Variants in FNBP1 observed in about 807,000 individuals in gnomAD.
FNBP1 encodes formin binding protein 1.
In FNBP1, 26 loss-of-function variants were observed where a neutral mutation model predicts 90.6. The observed-to-expected ratio is 0.29, with a 90% CI of 0.21 to 0.40. The LOEUF is 0.40. Ranked by LOEUF, FNBP1 falls within the 10% of genes least tolerant of loss-of-function variation. The probability of loss-of-function intolerance (pLI) is 1.00; values close to 1 mark genes in which losing one functional copy is unlikely to be tolerated. For missense variants in FNBP1, 635 were observed against 768.0 expected (o/e 0.83, Z 2.05); for synonymous variants, 260 against 265.2 (o/e 0.98, Z 0.19).
intron 10 of FNBP1, among the ~76,000 whole-genome samples, chr9:129,918,726 C>T (rs1232112815): frequency 6.6e-6 from 1 of 152,138 alleles, no homozygotes; most frequent in Non-Finnish European, 1.5e-5. Flanking sequence ...AGCTACACTG[C>T]CGTCTGTAAG....
At chr9:130,047,485 C>A (rs998157765), upstream of FNBP1, among the ~76,000 whole-genome samples, 8 of 152,052 alleles carry the variant, frequency 5.3e-5, no homozygotes, top group East Asian at 1.5e-3. Flanking sequence ...TGGTGGCGCA[C>A]GCCTGTAGTC....
chr9:129,947,818 C>T (rs1256549465), intron 6 of FNBP1, among the ~76,000 whole-genome samples: 2 of 151,862 alleles, frequency 1.3e-5, no homozygotes, highest in African/African-American at 4.8e-5. Context: ...GACAGGGTTT[C>T]TCCATGTTGG....
intron 2 of FNBP1, 44 bp downstream of exon 2, chr9:129,994,799 A>G (rs886242508): frequency 5.8e-6 from 5 of 856,878 alleles, no homozygotes; most frequent in Non-Finnish European, 9.7e-6. Flanking sequence ...TTATCCTTAC[A>G]TCATTTTGCA....
chr9:129,946,393 C>T (rs1427737902), intron 6 of FNBP1, among the ~76,000 whole-genome samples: 3 of 152,158 alleles, frequency 2.0e-5, no homozygotes, highest in African/African-American at 7.2e-5. Context: ...CTGTTCAGTG[C>T]TCATGGTCAG....
In FNBP1 at chr9:130,041,501, G is replaced by C. The variant is rs2059814771; in HGVS notation, c.24+1451C>G. ...TAAAGAGAGCTAAAGGGAGTGGAAG[G>C]ATTAGAAGAGGAAAGAAACTTCAAT... is the stretch of plus-strand genomic sequence containing the variant. On this transcript the variant is annotated intron_variant, in intron 1 of 16. Coordinates refer to ENST00000446176, the MANE Select transcript of FNBP1 (RefSeq NM_015033.3). This position sits in a 1 kb window ranked among gnomAD's most constrained non-coding sequence, Gnocchi z 4.3. 6.6e-6 allele frequency among the ~76,000 whole-genome samples: 1 copy of C among 152,184 alleles called. No individual in the cohort carries two copies. Among genetic ancestry groups the C allele is most frequent in the Non-Finnish European group, 1.5e-5 (1 of 68,028 alleles).
In FNBP1 at chr9:129,890,311, C is replaced by T. The variant is rs1368971822; in HGVS notation, c.*228G>A. ...GGAGGGGGAGCGATGAGGACTGACC[C>T]GAGCCATGGGGGTGGGCGCTGGCGA... On this transcript the variant is annotated 3_prime_UTR_variant, in exon 17 of 17. Transcript: ENST00000446176. This position sits in a 1 kb window ranked among gnomAD's most constrained non-coding sequence, Gnocchi z 5.8. The T allele has an allele frequency of 2.5e-5, 15 of 591,248 alleles. No individual in the cohort carries two copies. Among genetic ancestry groups the T allele is most frequent in the Middle Eastern group, 4.5e-4 (1 of 2,234 alleles). The allele number at this position is 591,248 out of a possible 1,614,324, so 36.6% of individuals were successfully genotyped here.
intron 6 of FNBP1, among the ~76,000 whole-genome samples, chr9:129,956,387 A>C (rs780419056): frequency 5.3e-5 from 8 of 152,172 alleles, no homozygotes; most frequent in Non-Finnish European, 1.0e-4. Context: ...ATGCCCAAAC[A>C]ACCATGGGCA....
intron 2 of FNBP1, among the ~76,000 whole-genome samples, chr9:129,982,066 T>C (rs911140747): frequency 6.6e-5 from 10 of 152,206 alleles, no homozygotes; most frequent in African/African-American, 9.6e-5. Flanking sequence ...AGAATGTCCC[T>C]TGTAGAAAAA....
In FNBP1 at chr9:130,026,631, C is replaced by T. The variant is rs531202038; in HGVS notation, c.24+16321G>A. ...TCTGGCTGATTTACTGCCTCCAGAA[C>T]AGTAATTCTATTTCACAACTAAAGC... On this transcript the variant is annotated intron_variant, in intron 1 of 16. Coordinates refer to ENST00000446176, the MANE Select transcript of FNBP1 (RefSeq NM_015033.3). 2.6e-5 allele frequency among the ~76,000 whole-genome samples: 4 copies of T among 152,106 alleles called. No individual in the cohort carries two copies. In the South Asian group the frequency reaches 8.3e-4, roughly 31 times the overall value.
chr9:130,015,522 T>C (rs1348174658), intron 1 of FNBP1, among the ~76,000 whole-genome samples: 1 of 152,152 alleles, frequency 6.6e-6, no homozygotes, highest in Non-Finnish European at 1.5e-5. Context: ...TGCCCAGGTC[T>C]TTACTAGAAA....
intron 6 of FNBP1, among the ~76,000 whole-genome samples, chr9:129,956,844 C>A (rs2047012241): frequency 6.6e-6 from 1 of 152,196 alleles, no homozygotes; most frequent in Admixed American, 6.5e-5. Context: ...GGTGACTCAA[C>A]AGATAAAACG....
At chr9:130,035,014 T>A (rs1182961148) in intron 1 of FNBP1, among the ~76,000 whole-genome samples, 2 of 152,084 alleles carry the variant, frequency 1.3e-5, no homozygotes, top group Admixed American at 1.3e-4. Flanking sequence ...CAGAGTGTGG[T>A]GACATGTGCC....
At chr9:130,018,868 C>A (rs2057521913) in intron 1 of FNBP1, among the ~76,000 whole-genome samples, 1 of 152,078 alleles carries the variant, frequency 6.6e-6, no homozygotes, top group Non-Finnish European at 1.5e-5. Flanking sequence ...GAAGTGGGGA[C>A]TTTATTTTAA....
At chr9:129,911,434 C>A (rs1454000918) in intron 11 of FNBP1, among the ~76,000 whole-genome samples, 2 of 152,090 alleles carry the variant, frequency 1.3e-5, no homozygotes, top group African/African-American at 2.4e-5. Context: ...AGTTTCTGAC[C>A]AATCTCATTT....
At chr9:129,896,118 C>T (rs149663250) in intron 15 of FNBP1, 122 bp from the exon 16 acceptor site, 38 of 994,026 alleles carry the variant, frequency 3.8e-5, no homozygotes, top group Non-Finnish European at 5.0e-5. Context: ...TCACCCCACT[C>T]GGACCTTCTC....
chr9:130,019,848 G>A (rs1056200929), intron 1 of FNBP1, among the ~76,000 whole-genome samples: 3 of 151,426 alleles, frequency 2.0e-5, no homozygotes, highest in Non-Finnish European at 4.4e-5. Context: ...GTGAGCCACC[G>A]CGCCCGGCCC....
Position 129,994,925 on chromosome 9 carries a change from A to G in FNBP1, c.58T>C (p.Trp20Arg), listed in dbSNP as rs757450447. The change falls in exon 2 of 17, where the codon TGG becomes CGG. Residue 20 changes from tryptophan to arginine, a missense_variant. Physicochemically the swap from Trp to Arg is moderately radical, Grantham distance 101 (BLOSUM62 -3). Coordinates refer to ENST00000446176, the MANE Select transcript of FNBP1 (RefSeq NM_015033.3). ...QFDNLEKHTQ[W>R]GIDILEKYIK... ...TATTTCTCAAGAATATCAATTCCCC[A>G]CTGTGTGTGTTTTTCTAAGTTGTCA... 6.2e-7 allele frequency: 1 copy of G among 1,604,462 alleles called. No homozygotes were observed. Among genetic ancestry groups the G allele is most frequent in the Non-Finnish European group, 8.5e-7 (1 of 1,172,992 alleles).
rs959005559 is a variant in FNBP1 at position 129,964,501 on chromosome 9, A to G, written c.346-5948T>C. On this transcript the variant is annotated intron_variant, in intron 4 of 16. Transcript: ENST00000446176. ...TCTGGGGTGACAGCTACACTTACTT[A>G]TTTCAACTTTTTAGTTGAAATAAAA... is the stretch of plus-strand genomic sequence containing the variant. Among the ~76,000 whole-genome samples, 3 of 152,136 alleles carry G rather than the reference A, an allele frequency of 2.0e-5. No individual in the cohort carries two copies. In the East Asian group the frequency reaches 5.8e-4, roughly 29 times the overall value.
chr9:129,960,910 T>C (rs1439213993), intron 4 of FNBP1, among the ~76,000 whole-genome samples: 1 of 152,028 alleles, frequency 6.6e-6, no homozygotes, highest in Non-Finnish European at 1.5e-5. Context: ...ACTCCGAGGT[T>C]GTCAGTCTGA....
Sources: allele counts gnomAD v4.1 joint callset (sites outside exome capture counted in the v4.1 genomes callset), GRCh38; gene constraint gnomAD v4.1.1; non-coding constraint Gnocchi (gnomAD v3.1); transcripts MANE v1.5; gene names NCBI Gene and HGNC (gene_info 2026-07-23, HGNC 2026-07-21).